ADAMTS14: variants seen among roughly 807,000 people sequenced by gnomAD.
ADAMTS14 encodes A disintegrin and metalloproteinase with thrombospondin motifs 14.
ADAMTS14 carries 100 observed loss-of-function variants against 128.6 expected under a neutral mutation model. The observed-to-expected ratio is 0.78, with a 90% CI of 0.66 to 0.92. The LOEUF is 0.92. Among genes scored for constraint, ADAMTS14 ranks in the 40% least tolerant of loss-of-function variants. ADAMTS14 has a pLI of 0.00. For synonymous variants in ADAMTS14, 665 were observed against 653.8 expected (o/e 1.02, Z -0.26); for missense variants, 1,562 against 1,658.6 (o/e 0.94, Z 1.01).
chr10:70,735,435 G>A (rs1841796134), intron 9 of ADAMTS14, 134 bp downstream of exon 9: 1 of 1,303,244 alleles, frequency 7.7e-7, no homozygotes, highest in South Asian at 1.6e-5. Context: ...CAGACACAGT[G>A]CCAGCCACCA....
intron 2 of ADAMTS14, among the ~76,000 whole-genome samples, chr10:70,675,561 C>T (rs1839621248): frequency 6.6e-6 from 1 of 152,136 alleles, no homozygotes; most frequent in South Asian, 2.1e-4. Context: ...CGTGTCCTTC[C>T]TCTTCTCCTC....
At chr10:70,676,741 C>T (rs545956105) in intron 2 of ADAMTS14, among the ~76,000 whole-genome samples, 3 of 152,270 alleles carry the variant, frequency 2.0e-5, no homozygotes, top group South Asian at 2.1e-4. Context: ...TTGGTCACCC[C>T]GCTGGCTAGA....
intron 5 of ADAMTS14, 67 bp from the exon 6 acceptor site, chr10:70,730,035 G>A: frequency 6.6e-7 from 1 of 1,507,756 alleles, no homozygotes; most frequent in East Asian, 2.3e-5. Flanking sequence ...AGTGGGAGGA[G>A]AGAGGCCTGC....
At chr10:70,739,121 T>A in intron 11 of ADAMTS14, 131 bp downstream of exon 11, 2 of 1,152,586 alleles carry the variant, frequency 1.7e-6, no homozygotes, top group Non-Finnish European at 2.4e-6. Flanking sequence ...TGCTAACGCA[T>A]GAGGACACAA....
intron 2 of ADAMTS14, among the ~76,000 whole-genome samples, chr10:70,688,721 G>A (rs1290272466): frequency 0.012 from 1,075 of 91,226 alleles, 6 homozygotes; most frequent in African/African-American, 0.039. Flanking sequence ...GTCAGGCGTG[G>A]CGGCGCGTGC....
At chr10:70,674,444 A>T in intron 1 of ADAMTS14, 112 bp from the exon 2 acceptor site, 1 of 1,104,456 alleles carries the variant, frequency 9.1e-7, no homozygotes, top group Non-Finnish European at 1.3e-6. Flanking sequence ...TAAGGGGCCC[A>T]CCTAAGGGTG....
Position 70,730,266 on chromosome 10 carries a change from A to G in ADAMTS14, c.1102+17A>G. On this transcript the variant is annotated intron_variant, in intron 6 of 21. Coordinates refer to ENST00000373207, the MANE Select transcript of ADAMTS14 (RefSeq NM_080722.4). ...GGCCCTCAGGTATGCAAGGTACTGT[A>G]TTTGCCATGGCCAGGTGTGTGCAGC... is the stretch of plus-strand genomic sequence containing the variant. The G allele has an allele frequency of 6.2e-7, 1 of 1,610,940 alleles. No individual in the cohort carries two copies. The highest frequency in any genetic ancestry group is 8.5e-7 in the Non-Finnish European group (1 of 1,177,782).
intron 18 of ADAMTS14, 88 bp from the exon 19 acceptor site, chr10:70,753,712 C>T (rs1311373933): frequency 2.2e-6 from 3 of 1,367,964 alleles, no homozygotes; most frequent in Non-Finnish European, 2.9e-6. Flanking sequence ...TCTCTGGCTC[C>T]TGCCTGCAGC....
At chr10:70,698,616 T>C (rs1840402389) in intron 2 of ADAMTS14, among the ~76,000 whole-genome samples, 1 of 152,176 alleles carries the variant, frequency 6.6e-6, no homozygotes, top group Non-Finnish European at 1.5e-5. Flanking sequence ...TGTTGAGGCC[T>C]GGGTAGGATG....
chr10:70,683,264 C>T (rs1391065906), intron 2 of ADAMTS14, among the ~76,000 whole-genome samples: 2 of 152,226 alleles, frequency 1.3e-5, no homozygotes, highest in African/African-American at 4.8e-5. Flanking sequence ...GGGTGCACAC[C>T]CTCTCTGAGA....
intron 14 of ADAMTS14, among the ~76,000 whole-genome samples, 184 bp from the exon 15 acceptor site, chr10:70,745,042 G>A (rs1842134451): frequency 1.3e-5 from 2 of 152,104 alleles, no homozygotes; most frequent in African/African-American, 2.4e-5. Flanking sequence ...TGTCTCATTC[G>A]ATCCTCCCAG....
At chr10:70,731,769 A>G (rs1194129099) in intron 6 of ADAMTS14, among the ~76,000 whole-genome samples, 2 of 152,126 alleles carry the variant, frequency 1.3e-5, no homozygotes, top group South Asian at 2.1e-4. Flanking sequence ...CCCATGCCTC[A>G]TCACGTGATC....
intron 16 of ADAMTS14, 91 bp from the exon 17 acceptor site, chr10:70,751,387 C>A: frequency 7.6e-7 from 1 of 1,311,418 alleles, no homozygotes; most frequent in Non-Finnish European, 1.1e-6. Context: ...CTGCTCCGAC[C>A]CTAAGGCCTT....
At chr10:70,695,996 G>A (rs1201486720) in intron 2 of ADAMTS14, among the ~76,000 whole-genome samples, 1 of 152,348 alleles carries the variant, frequency 6.6e-6, no homozygotes. Flanking sequence ...CACTTGAGGT[G>A]GGTAGAGGAG....
rs1194955119 is a variant in ADAMTS14, at chr10:70,761,493, A to C, written c.*640A>C. 1 of 152,292 alleles carries C rather than the reference A, an allele frequency of 6.6e-6. No individual in the cohort carries two copies. Among genetic ancestry groups the C allele is most frequent in the African/African-American group, 2.4e-5 (1 of 41,424 alleles). The allele number at this position is 152,292 out of a possible 1,614,324, so 9.4% of individuals were successfully genotyped here. On this transcript the variant is annotated 3_prime_UTR_variant, in exon 22 of 22. Transcript: ENST00000373207. Reference sequence around the variant, plus strand: ...AGGCCAGTTTGTCTTTGCTGGCCAGAAGATGGTGCTCATGGCCATACTCTG... The same window carrying C: ...AGGCCAGTTTGTCTTTGCTGGCCAGCAGATGGTGCTCATGGCCATACTCTG...
intron 2 of ADAMTS14, among the ~76,000 whole-genome samples, chr10:70,699,332 A>G (rs534567195): frequency 1.4e-4 from 22 of 152,340 alleles, no homozygotes; most frequent in Admixed American, 9.1e-4. Flanking sequence ...AAGATAATAT[A>G]TAAAAATATG....
rs369235646 is a variant in ADAMTS14 at position 70,760,768 on chromosome 10, C to G, written c.3587C>G (p.Thr1196Arg). ...CCTTGGGGCTGGACTCAGACACCTA[C>G]GCCAGTCCCTGAGGACAAAGGGCAA... ...GLPWGWTQTP[T>R]PVPEDKGQPG... The change falls in exon 22 of 22, where the codon ACG (threonine) becomes AGG (arginine). Residue 1196 changes from threonine to arginine, a missense_variant. Physicochemically the swap from Thr to Arg is moderately conservative, Grantham distance 71. Transcript: ENST00000373207. 3 of 1,613,022 alleles carry G rather than the reference C, an allele frequency of 1.9e-6. No homozygotes were observed. The highest frequency in any genetic ancestry group is 2.5e-6 in the Non-Finnish European group (3 of 1,179,448).
intron 2 of ADAMTS14, among the ~76,000 whole-genome samples, chr10:70,685,019 G>A (rs1345033839): frequency 6.6e-6 from 1 of 152,232 alleles, no homozygotes; most frequent in Non-Finnish European, 1.5e-5. Context: ...CGGCTCCTCC[G>A]GAGCAGAGCC....
At chr10:70,748,975 G>C (rs371433671) in intron 15 of ADAMTS14, among the ~76,000 whole-genome samples, 87 of 152,316 alleles carry the variant, frequency 5.7e-4, no homozygotes, top group African/African-American at 2.0e-3. Context: ...GCCTCCCGGG[G>C]TCTTTTGGTA....
Sources: allele counts gnomAD v4.1 joint callset (sites outside exome capture counted in the v4.1 genomes callset), GRCh38; gene constraint gnomAD v4.1.1; transcripts MANE v1.5; gene names NCBI Gene and HGNC (gene_info 2026-07-23, HGNC 2026-07-21).